Variants in PREP observed in about 807,000 individuals in gnomAD.
PREP encodes prolyl endopeptidase.
A neutral mutation model predicts 87.6 loss-of-function variants in PREP; 29 were observed. The observed-to-expected ratio is 0.33, with a 90% CI of 0.25 to 0.45. PREP has a LOEUF of 0.45. Among genes scored for constraint, PREP ranks in the 20% least tolerant of loss-of-function variants. The probability of loss-of-function intolerance (pLI) is 1.00; values close to 1 mark genes in which losing one functional copy is unlikely to be tolerated. For missense variants in PREP, 695 were observed against 886.5 expected (o/e 0.78, Z 2.74); for synonymous variants, 337 against 328.6 (o/e 1.03, Z -0.28).
At chr6:105,328,775 C>A (rs1183431018) in intron 9 of PREP, 54 bp downstream of exon 9, 1 of 1,577,148 alleles carries the variant, frequency 6.3e-7, no homozygotes, top group Non-Finnish European at 8.7e-7. Flanking sequence ...CCCAAAGAAA[C>A]CCAAACACCA....
chr6:105,309,442 C>T (rs1284101082), intron 10 of PREP, among the ~76,000 whole-genome samples: 3 of 152,094 alleles, frequency 2.0e-5, no homozygotes, highest in Non-Finnish European at 2.9e-5. Flanking sequence ...CTCTGCCACC[C>T]GGGTTCAAGC....
chr6:105,327,339 G>A (rs1358081596), intron 9 of PREP, among the ~76,000 whole-genome samples: 3 of 152,136 alleles, frequency 2.0e-5, no homozygotes, highest in Non-Finnish European at 2.9e-5. Context: ...CCCTGAAGTC[G>A]AATTCTCGAA....
chr6:105,282,365 TAAGTC>T (rs28362536), intron 13 of PREP, 81 bp downstream of exon 13: 6 of 1,487,530 alleles, frequency 4.0e-6, no homozygotes, highest in South Asian at 1.4e-5. Context: ...TCCACAAAGT[TAAGTC>T]AAGAGCTGCC....
At chr6:105,303,308 T>C (rs1446612008) in intron 10 of PREP, among the ~76,000 whole-genome samples, 3 of 152,020 alleles carry the variant, frequency 2.0e-5, no homozygotes, top group Non-Finnish European at 2.9e-5. Context: ...CAAGCAATCC[T>C]CCTGCCTGGG....
chr6:105,304,109 A>T lies in PREP; in HGVS notation c.1318-15215T>A, dbSNP rs528125902. Among the ~76,000 whole-genome samples the T allele has an allele frequency of 1.8e-4, 28 of 152,228 alleles. No homozygotes were observed. The South Asian group carries it at 5.0e-3, about 27-fold the overall frequency. On this transcript the variant is annotated intron_variant, in intron 10 of 14. Transcript: ENST00000652536. ...GAGTCAACCAATTGTGGATTGAAAAATTTTTTTTAAACCCAACAAAAAATA... is the reference window on the plus strand; with the variant it reads ...GAGTCAACCAATTGTGGATTGAAAATTTTTTTTTAAACCCAACAAAAAATA...
At chr6:105,306,522 C>G (rs1306204454) in intron 10 of PREP, among the ~76,000 whole-genome samples, 1 of 152,130 alleles carries the variant, frequency 6.6e-6, no homozygotes, top group Admixed American at 6.5e-5. Context: ...CTCTCATAGT[C>G]AAATGCTCAC....
intron 8 of PREP, among the ~76,000 whole-genome samples, chr6:105,331,720 A>G (rs1347056549): frequency 6.6e-6 from 1 of 152,178 alleles, no homozygotes; most frequent in Non-Finnish European, 1.5e-5. Flanking sequence ...TTCACTAAAC[A>G]AAGATACTGA....
Position 105,285,502 on chromosome 6 carries a change from TC to T in PREP, c.1532del (p.Gly511GlufsTer27). On this transcript the variant is annotated frameshift_variant, in exon 12 of 15. Transcript: ENST00000652536. LOFTEE classifies it high-confidence loss of function. ...VANIRGGGEY[G>X]ETWHKGGILA... is the part of the protein sequence containing the mutation. The stretch of plus-strand genomic sequence containing the variant: ...ACACCTCACCTTTATGCCACGTCTC[TC>T]CATATTCGCCACCTCCTCTGATGTT... 6.2e-7 allele frequency: 1 copy of T among 1,613,656 alleles called. No homozygotes were observed. Among genetic ancestry groups the T allele is most frequent in the Non-Finnish European group, 8.5e-7 (1 of 1,179,598 alleles).
chr6:105,281,070 CAGCTGGGTTCTCTGCTCT>C (rs796405927), intron 14 of PREP: 1 of 152,378 alleles, frequency 6.6e-6, no homozygotes, highest in South Asian at 2.1e-4. Context: ...TGGGTTGGCT[CAGCTGGGTTCTCTGCTCT>C]GGGTCTTCCA....
intron 14 of PREP, chr6:105,280,958 T>C (rs914450798): frequency 1.3e-5 from 2 of 152,200 alleles, no homozygotes; most frequent in Non-Finnish European, 2.9e-5. Context: ...TGATATAAAG[T>C]ATAATAATAC....
Position 105,368,632 on chromosome 6 carries a change from A to G in PREP, c.717+271T>C, listed in dbSNP as rs777124453. 3.9e-5 allele frequency among the ~76,000 whole-genome samples: 6 copies of G among 152,342 alleles called. No individual in the cohort carries two copies. In the East Asian group the frequency reaches 1.2e-3, roughly 29 times the overall value. On this transcript the variant is annotated intron_variant, in intron 6 of 14. Transcript: ENST00000652536. Reference sequence around the variant, plus strand: ...TTTTGAAAGGTTCATGTTTTACCTTACTAGGTACTTTTATAGTTTTTACTA... The same window carrying G: ...TTTTGAAAGGTTCATGTTTTACCTTGCTAGGTACTTTTATAGTTTTTACTA...
At chr6:105,335,095 C>T (rs1162222850) in intron 7 of PREP, among the ~76,000 whole-genome samples, 1 of 152,164 alleles carries the variant, frequency 6.6e-6, no homozygotes, top group Non-Finnish European at 1.5e-5. Flanking sequence ...TTCAATACGT[C>T]CGTATCATCA....
At chr6:105,402,728 G>T (rs1773468009) in intron 1 of PREP, 119 bp downstream of exon 1, 7 of 929,262 alleles carry the variant, frequency 7.5e-6, no homozygotes, top group Non-Finnish European at 1.1e-5. Flanking sequence ...AAAGGCCGAG[G>T]GGGAGGGGAG....
intron 6 of PREP, among the ~76,000 whole-genome samples, chr6:105,359,144 A>G (rs1032390314): frequency 9.9e-5 from 15 of 152,212 alleles, no homozygotes; most frequent in African/African-American, 3.6e-4. Flanking sequence ...CCCAAGATTT[A>G]TCAAGAGTCT....
chr6:105,369,283 AAACTGC>A (rs1772475603), intron 5 of PREP, among the ~76,000 whole-genome samples: 1 of 152,232 alleles, frequency 6.6e-6, no homozygotes, highest in Non-Finnish European at 1.5e-5. Flanking sequence ...TATCTAAGGA[AAACTGC>A]AAAATTCTGA....
At chr6:105,309,474 C>T (rs958457550) in intron 10 of PREP, among the ~76,000 whole-genome samples, 2 of 152,126 alleles carry the variant, frequency 1.3e-5, no homozygotes, top group Admixed American at 6.5e-5. Flanking sequence ...CTCAGCCTCC[C>T]GAGTAGCTGG....
At position 105,277,805 on chromosome 6, in the gene PREP, TGGATA is replaced by T. The variant is rs1769978577; in HGVS notation, c.*334_*338del. The T allele has an allele frequency of 3.5e-6, 1 of 287,014 alleles. No individual in the cohort carries two copies. Among genetic ancestry groups the T allele is most frequent in the Non-Finnish European group, 6.5e-6 (1 of 152,696 alleles). The allele number at this position is 287,014 out of a possible 1,614,324, so 17.8% of individuals were successfully genotyped here. On this transcript the variant is annotated 3_prime_UTR_variant, in exon 15 of 15. Transcript: ENST00000652536. ...CATTTATTTAAAGATATAGAGGTTA[TGGATA>T]TAGATAAGTATGCCCGACTATGATC...
intron 10 of PREP, among the ~76,000 whole-genome samples, chr6:105,305,480 G>A (rs574648842): frequency 1.0e-3 from 154 of 152,208 alleles, no homozygotes; most frequent in African/African-American, 3.6e-3. Context: ...AGAAGAGACT[G>A]AACTAGAGGC....
intron 2 of PREP, among the ~76,000 whole-genome samples, chr6:105,393,049 G>A (rs780647014): frequency 9.9e-5 from 15 of 152,194 alleles, no homozygotes; most frequent in South Asian, 2.1e-4. Context: ...GAAAAGGTAT[G>A]GTGGGTTTTT....
Sources: gnomAD v4.1 joint callset for allele counts (sites outside exome capture counted in the v4.1 genomes callset) on GRCh38, gnomAD v4.1.1 for gene constraint, MANE v1.5 for transcripts, NCBI Gene and HGNC (gene_info 2026-07-23, HGNC 2026-07-21) for gene names.